The following TMEM184B variants were observed in gnomAD, a reference collection of about 807,000 sequenced individuals.
TMEM184B encodes the protein putative MAPK-activating protein FM08.
TMEM184B carries 17 observed loss-of-function variants against 41.8 expected under a neutral mutation model. The observed-to-expected ratio is 0.41, with a 90% CI of 0.28 to 0.61. TMEM184B has a LOEUF of 0.61. Among genes scored for constraint, TMEM184B ranks in the 20% least tolerant of loss-of-function variants. TMEM184B has a pLI of 0.34. For missense variants in TMEM184B, 393 were observed against 557.8 expected (o/e 0.70, Z 2.98); for synonymous variants, 240 against 229.5 (o/e 1.05, Z -0.41).
chr22:38,261,636 G>C (rs1490619406), intron 1 of TMEM184B, among the ~76,000 whole-genome samples: 3 of 152,166 alleles, frequency 2.0e-5, no homozygotes, highest in Non-Finnish European at 4.4e-5. Context: ...CTCAAATTGA[G>C]AACAATGGAC....
Position 38,226,917 on chromosome 22 carries a change from G to A in TMEM184B, c.526-47C>T. 2 of 1,541,556 alleles carry A rather than the reference G, an allele frequency of 1.3e-6. No individual in the cohort carries two copies. The highest frequency in any genetic ancestry group is 1.8e-6 in the Non-Finnish European group (2 of 1,137,150). On this transcript the variant is annotated intron_variant, in intron 5 of 8. Coordinates refer to ENST00000361906, the MANE Select transcript of TMEM184B (RefSeq NM_012264.5). This position sits in a 1 kb window ranked among gnomAD's most constrained non-coding sequence, Gnocchi z 4.6. ...TGAGTGTGGAGGAGGAGCACAGAAG[G>A]CATGAAGCAAGCCCTGCCTCTGGCA...
At chr22:38,272,309 A>G (rs1358049777) in intron 1 of TMEM184B, among the ~76,000 whole-genome samples, 4 of 152,150 alleles carry the variant, frequency 2.6e-5, no homozygotes, top group Non-Finnish European at 1.5e-5. Context: ...ACCCAAAACC[A>G]GTCTCCACGG....
intron 5 of TMEM184B, 113 bp downstream of exon 5, chr22:38,230,556 G>A (rs759191423): frequency 3.3e-5 from 35 of 1,053,850 alleles, no homozygotes; most frequent in Non-Finnish European, 4.7e-5. Context: ...TGGGGGCCTG[G>A]GGTGCCTCAT....
rs1331076720 is a variant in TMEM184B at position 38,219,389 on chromosome 22, T to C, written c.*2080A>G. On this transcript the variant is annotated 3_prime_UTR_variant, in exon 9 of 9. Coordinates refer to ENST00000361906, the MANE Select transcript of TMEM184B (RefSeq NM_012264.5). ...ATTTAAAATGTCACAGAGACCAAAA[T>C]AGAGTGGCTTTCTGGTGGAACTCAT... The C allele has an allele frequency of 1.0e-6, 1 of 985,816 alleles. No homozygotes were observed. Among genetic ancestry groups the C allele is most frequent in the Non-Finnish European group, 1.2e-6 (1 of 829,926 alleles). The allele number at this position is 985,816 out of a possible 1,614,324, so 61.1% of individuals were successfully genotyped here. A position where few individuals can be genotyped will look rare whatever the true frequency, so the allele number is the denominator to read the frequency against.
intron 2 of TMEM184B, chr22:38,246,802 C>T (rs2092040414): frequency 7.9e-7 from 1 of 1,271,548 alleles, no homozygotes; most frequent in Non-Finnish European, 1.0e-6. Flanking sequence ...AAGAGCTGCT[C>T]TACCACAGTC....
In TMEM184B at chr22:38,226,974, G is replaced by A. The variant is rs2091459954; in HGVS notation, c.526-104C>T. ...ACTGTACCGGATGGAGGGACAGAGA[G>A]GATGAAGGAGACGGAGAGGACGGAG... On this transcript the variant is annotated intron_variant, in intron 5 of 8. Coordinates refer to ENST00000361906, the MANE Select transcript of TMEM184B (RefSeq NM_012264.5). This position sits in a 1 kb window ranked among gnomAD's most constrained non-coding sequence, Gnocchi z 4.6. The A allele has an allele frequency of 8.4e-7, 1 of 1,189,008 alleles. No individual in the cohort carries two copies. The allele number at this position is 1,189,008 out of a possible 1,614,324, so 73.7% of individuals were successfully genotyped here. A position where few individuals can be genotyped will look rare whatever the true frequency, so the allele number is the denominator to read the frequency against.
chr22:38,234,174 C>T (rs2091710344), intron 3 of TMEM184B, among the ~76,000 whole-genome samples: 1 of 152,184 alleles, frequency 6.6e-6, no homozygotes, highest in African/African-American at 2.4e-5. Flanking sequence ...TGAGTAACCA[C>T]AGCCAAAGTG....
chr22:38,222,029 C>T (rs2093571346), intron 8 of TMEM184B: 11 of 390,486 alleles, frequency 2.8e-5, no homozygotes, highest in South Asian at 2.7e-4. Context: ...CCTAGAATGC[C>T]CCAGAGAGGC....
In TMEM184B at chr22:38,231,104, G is replaced by A. The variant is rs551251648; in HGVS notation, c.449+140C>T. The A allele has an allele frequency of 1.9e-5, 15 of 775,470 alleles. No homozygotes were observed. In the South Asian group the frequency reaches 2.0e-4, roughly 10 times the overall value. The allele number at this position is 775,470 out of a possible 1,614,324, so 48.0% of individuals were successfully genotyped here. On this transcript the variant is annotated intron_variant, in intron 4 of 8. Transcript: ENST00000361906. ...CTAAAACGCCCAGAAGAATGGCGTT[G>A]CTCAGGAAATGTGGTGAGGCACAGC... is the stretch of plus-strand genomic sequence containing the variant.
intron 1 of TMEM184B, among the ~76,000 whole-genome samples, chr22:38,249,484 C>T (rs12157678): frequency 0.027 from 4,106 of 152,192 alleles, 182 homozygotes; most frequent in African/African-American, 0.094. Context: ...TTCCAAAGAT[C>T]GTGAGGTGCC....
chr22:38,234,879 C>A (rs1035807157), intron 3 of TMEM184B, among the ~76,000 whole-genome samples: 1 of 152,178 alleles, frequency 6.6e-6, no homozygotes, highest in Non-Finnish European at 1.5e-5. Context: ...GTGTCTTAAG[C>A]GCTCCATGCC....
intron 3 of TMEM184B, among the ~76,000 whole-genome samples, chr22:38,237,271 C>G (rs1602409057): frequency 6.6e-6 from 1 of 152,210 alleles, no homozygotes; most frequent in Non-Finnish European, 1.5e-5. Context: ...ACCCCAAGAG[C>G]CCCCGGGCTT....
chr22:38,228,028 G>A (rs1347179059), intron 5 of TMEM184B, among the ~76,000 whole-genome samples: 1 of 152,200 alleles, frequency 6.6e-6, no homozygotes, highest in Non-Finnish European at 1.5e-5. Flanking sequence ...GAGGAGCCTG[G>A]AGTGGGAACC....
intron 8 of TMEM184B, chr22:38,221,963 G>A: frequency 1.8e-6 from 1 of 565,510 alleles, no homozygotes; most frequent in Non-Finnish European, 3.1e-6. Context: ...ACTGGGAGCT[G>A]GGCTGGCTGC....
chr22:38,268,635 T>C (rs1220536384), intron 1 of TMEM184B, among the ~76,000 whole-genome samples: 1 of 152,212 alleles, frequency 6.6e-6, no homozygotes, highest in East Asian at 1.9e-4. Flanking sequence ...AGACTTAGTA[T>C]CAAACAACTC....
chr22:38,244,566 C>A (rs2091982788), intron 3 of TMEM184B, among the ~76,000 whole-genome samples: 1 of 152,074 alleles, frequency 6.6e-6, no homozygotes, highest in African/African-American at 2.4e-5. Flanking sequence ...AAGTGATTCT[C>A]CTGCCTCAGC....
rs921753299 is a variant in TMEM184B at position 38,226,987 on chromosome 22, G to A, written c.526-117C>T. ...GAGGGACAGAGAGGATGAAGGAGAC[G>A]GAGAGGACGGAGGGATGGAGGGACG... On this transcript the variant is annotated intron_variant, in intron 5 of 8. Coordinates refer to ENST00000361906, the MANE Select transcript of TMEM184B (RefSeq NM_012264.5). This position sits in a 1 kb window ranked among gnomAD's most constrained non-coding sequence, Gnocchi z 4.6. 15 of 1,020,722 alleles carry A rather than the reference G, an allele frequency of 1.5e-5. No individual in the cohort carries two copies. Among genetic ancestry groups the A allele is most frequent in the African/African-American group, 3.2e-5 (2 of 63,088 alleles). The allele number at this position is 1,020,722 out of a possible 1,614,324, so 63.2% of individuals were successfully genotyped here.
At chr22:38,217,423 G>A (rs1366590035), downstream of TMEM184B, among the ~76,000 whole-genome samples, 1 of 121,586 alleles carries the variant, frequency 8.2e-6, no homozygotes, top group Non-Finnish European at 1.7e-5. Flanking sequence ...GGCAGATCAC[G>A]AGGTCAGGAG....
In TMEM184B at chr22:38,225,928, G is replaced by A. The variant is rs2091421930; in HGVS notation, c.618-335C>T. Among the ~76,000 whole-genome samples the A allele has an allele frequency of 1.3e-5, 2 of 152,210 alleles. No individual in the cohort carries two copies. Among genetic ancestry groups the A allele is most frequent in the South Asian group, 2.1e-4 (1 of 4,834 alleles). On this transcript the variant is annotated intron_variant, in intron 6 of 8. Coordinates refer to ENST00000361906, the MANE Select transcript of TMEM184B (RefSeq NM_012264.5). The surrounding 1 kb of genome is among the most constrained non-coding windows in gnomAD (Gnocchi z 4.4). Reference sequence around the variant, plus strand: ...CACTCAGATAACAGGCGTCAAAATAGGTGACGCTGCTCAGCTCTGCTGCCT... The same window carrying A: ...CACTCAGATAACAGGCGTCAAAATAAGTGACGCTGCTCAGCTCTGCTGCCT...
Sources: gnomAD v4.1 joint callset for allele counts (sites outside exome capture counted in the v4.1 genomes callset) on GRCh38, gnomAD v4.1.1 for gene constraint, Gnocchi (gnomAD v3.1) non-coding constraint, MANE v1.5 for transcripts, NCBI Gene and HGNC (gene_info 2026-07-23, HGNC 2026-07-21) for gene names.